The following BRD2 variants were observed in gnomAD, a reference collection of about 807,000 sequenced individuals.
BRD2 encodes bromodomain containing 2, also known as bromodomain-containing protein 2.
In BRD2, 15 loss-of-function variants were observed where a neutral mutation model predicts 79.1. The observed-to-expected ratio is 0.19, with a 90% CI of 0.13 to 0.29. The LOEUF is 0.29. Ranked by LOEUF, BRD2 falls within the 10% of genes least tolerant of loss-of-function variation. The pLI, the probability that BRD2 is intolerant of heterozygous loss-of-function variation, is 1.00. For synonymous variants in BRD2, 488 were observed against 358.6 expected, an observed-to-expected ratio of 1.36 and a Z score of -4.08; for missense variants, 1,053 against 991.3, an observed-to-expected ratio of 1.06 and a Z score of -0.84.
intron 2 of BRD2, among the ~76,000 whole-genome samples, chr6:32,974,119 C>A (rs1778397401): frequency 6.6e-6 from 1 of 152,174 alleles, no homozygotes; most frequent in African/African-American, 2.4e-5. Context: ...CTTAACTCCA[C>A]CCATTTTGCT....
rs980156717 is a variant in BRD2 at position 32,981,292 on chromosome 6, T to C, written c.*574T>C. ...GTCTTTGTTGATTCTAACTTGTAAATAAAGAAAATATTATTCAAGTTTTGA... is the reference window on the plus strand; with the variant it reads ...GTCTTTGTTGATTCTAACTTGTAAACAAAGAAAATATTATTCAAGTTTTGA... On this transcript the variant is annotated 3_prime_UTR_variant, in exon 13 of 13. Coordinates refer to ENST00000374825, the MANE Select transcript of BRD2 (RefSeq NM_005104.4). The C allele has an allele frequency of 2.0e-5, 3 of 152,220 alleles. No individual in the cohort carries two copies. The highest frequency in any genetic ancestry group is 7.2e-5 in the African/African-American group (3 of 41,422). 9.4% of individuals were successfully genotyped at this position (152,220 alleles called of 1,614,324 possible). A position where few individuals can be genotyped will look rare whatever the true frequency, so the allele number is the denominator to read the frequency against.
chr6:32,972,377 G>C lies in BRD2; in HGVS notation c.-522G>C, dbSNP rs2127501434. The C allele has an allele frequency of 3.3e-6, 1 of 302,092 alleles. No individual in the cohort carries two copies. The highest frequency in any genetic ancestry group is 3.2e-5 in the South Asian group (1 of 31,614). 18.7% of individuals were successfully genotyped at this position (302,092 alleles called of 1,614,324 possible). On this transcript the variant is annotated 5_prime_UTR_variant, in exon 2 of 13. Coordinates refer to ENST00000374825, the MANE Select transcript of BRD2 (RefSeq NM_005104.4). ...CAGTACAGACCCCCTAGAAGCCCCT[G>C]GAGCTCCCCTTTTTCGGGCCCCGCC...
In BRD2 at chr6:32,976,552, C is replaced by G. The variant is rs745565457; in HGVS notation, c.826-10C>G. On this transcript the variant is annotated splice_polypyrimidine_tract_variant and intron_variant, in intron 6 of 12. Coordinates refer to ENST00000374825, the MANE Select transcript of BRD2 (RefSeq NM_005104.4). ...GAGTGACAGGTTCCCTATCTTGTTTCTTTCTGCAGAAAAAAGGCGTAAAGC... is the reference window on the plus strand; with the variant it reads ...GAGTGACAGGTTCCCTATCTTGTTTGTTTCTGCAGAAAAAAGGCGTAAAGC... 10 of 1,591,040 alleles carry G rather than the reference C, an allele frequency of 6.3e-6. No homozygotes were observed. The highest frequency in any genetic ancestry group is 5.4e-5 in the African/African-American group (4 of 74,532).
At position 32,981,245 on chromosome 6, in the gene BRD2, T is replaced by TCC. The variant is rs1340604043; in HGVS notation, c.*530_*531dup. On this transcript the variant is annotated 3_prime_UTR_variant, in exon 13 of 13. Coordinates refer to ENST00000374825, the MANE Select transcript of BRD2 (RefSeq NM_005104.4). ...TGGGGCCCTGGGGGTTTCAGTCATC[T>TCC]CCCCATTTGGTCCCCTGGACTGTCT... 1 of 153,760 alleles carries TCC rather than the reference T, an allele frequency of 6.5e-6. No homozygotes were observed. The allele number at this position is 153,760 out of a possible 1,614,324, so 9.5% of individuals were successfully genotyped here.
At chr6:32,970,132 C>G (rs1777812655) in intron 1 of BRD2, 1 of 152,310 alleles carries the variant, frequency 6.6e-6, no homozygotes, top group South Asian at 2.1e-4. Flanking sequence ...TATTCCATGG[C>G]CGGCCCCCTG....
In BRD2 at chr6:32,972,537, T is replaced by C. The variant is rs1778151432; in HGVS notation, c.-362T>C. 2.7e-6 allele frequency: 1 copy of C among 364,508 alleles called. No individual in the cohort carries two copies. The highest frequency in any genetic ancestry group is 5.2e-5 in the East Asian group (1 of 19,248). 22.6% of individuals were successfully genotyped at this position (364,508 alleles called of 1,614,324 possible). A position where few individuals can be genotyped will look rare whatever the true frequency, so the allele number is the denominator to read the frequency against. On this transcript the variant is annotated 5_prime_UTR_variant, in exon 2 of 13. Coordinates refer to ENST00000374825, the MANE Select transcript of BRD2 (RefSeq NM_005104.4). ...TCGAAACGGGACCTCGTCGGCCCCG[T>C]AGGGGCCCGACAAGAAGAGGGAATC...
In BRD2 at chr6:32,972,826, C is replaced by T. The variant is rs1391754424; in HGVS notation, c.-73C>T. 1.9e-6 allele frequency: 3 copies of T among 1,609,532 alleles called. No individual in the cohort carries two copies. Among genetic ancestry groups the T allele is most frequent in the Admixed American group, 1.7e-5 (1 of 59,994 alleles). ...CCCCAACTTAGCGGGTTATGCTGGA[C>T]CGGGCGGTGAGGGGAACCGAGGCCA... On this transcript the variant is annotated 5_prime_UTR_variant, in exon 2 of 13. Coordinates refer to ENST00000374825, the MANE Select transcript of BRD2 (RefSeq NM_005104.4).
chr6:32,973,176 C>A (rs1297299230), intron 2 of BRD2: 4 of 1,537,338 alleles, frequency 2.6e-6, no homozygotes, highest in African/African-American at 2.7e-5. Flanking sequence ...CAGTCTTAAC[C>A]GAGTCAGGCA....
chr6:32,975,108 C>G, intron 3 of BRD2: 1 of 1,509,784 alleles, frequency 6.6e-7, no homozygotes, highest in Non-Finnish European at 8.8e-7. Flanking sequence ...TAGCCAGCCC[C>G]AGAGGTAATG....
chr6:32,979,660 T>A, intron 10 of BRD2, 168 bp from the exon 11 acceptor site: 1 of 710,998 alleles, frequency 1.4e-6, no homozygotes, highest in Non-Finnish European at 2.2e-6. Context: ...AGCAAAATGC[T>A]CTGTTTCACT....
At position 32,973,132 on chromosome 6, in the gene BRD2, T is replaced by G. The variant is rs747677219; in HGVS notation, c.29+205T>G. 2.6e-6 allele frequency: 4 copies of G among 1,550,546 alleles called. No individual in the cohort carries two copies. The Admixed American group carries it at 7.8e-5, about 30-fold the overall frequency. On this transcript the variant is annotated intron_variant, in intron 2 of 12. Coordinates refer to ENST00000374825, the MANE Select transcript of BRD2 (RefSeq NM_005104.4). ...ACTGCTCGTGGAGGGGAATACAGGT[T>G]GTCAATTTATACGCTATTAATGCCG...
intron 2 of BRD2, 87 bp from the exon 3 acceptor site, chr6:32,974,375 C>G (rs748490765): frequency 1.0e-4 from 142 of 1,382,104 alleles, no homozygotes; most frequent in Non-Finnish European, 9.9e-5. Flanking sequence ...TCACTAGGGC[C>G]AGCACCTGGA....
chr6:32,973,884 T>A (rs191666758), intron 2 of BRD2, among the ~76,000 whole-genome samples: 1 of 152,188 alleles, frequency 6.6e-6, no homozygotes, highest in East Asian at 1.9e-4. Context: ...TAAGTTGATA[T>A]GGTTCTTCCT....
chr6:32,973,737 T>C (rs547494030), intron 2 of BRD2, among the ~76,000 whole-genome samples: 10 of 152,146 alleles, frequency 6.6e-5, no homozygotes, highest in Non-Finnish European at 1.5e-4. Context: ...GGCTATCACT[T>C]GGTGACCTTG....
intron 2 of BRD2, 111 bp downstream of exon 2, chr6:32,973,038 C>G (rs17220479): frequency 6.2e-7 from 1 of 1,609,918 alleles, no homozygotes; most frequent in Non-Finnish European, 8.5e-7. Context: ...GCTGTTGCGG[C>G]GCAGCTGTCG....
chr6:32,976,825 G>A lies in BRD2; in HGVS notation c.1089G>A (p.Lys363=), dbSNP rs1381204557. ...CNGILKELLS[K]KHAAYAWPFY... is the part of the protein sequence containing the mutation. ...GCATTTTGAAGGAGTTACTCTCTAA[G>A]AAGCATGCTGCCTATGCTTGGCCTT... Residue 363 remains lysine, a synonymous_variant, in exon 7 of 13, where the codon AAG becomes AAA. Transcript: ENST00000374825. 17 of 1,613,064 alleles carry A rather than the reference G, an allele frequency of 1.1e-5. No individual in the cohort carries two copies. Among genetic ancestry groups the A allele is most frequent in the Non-Finnish European group, 1.4e-5 (16 of 1,180,056 alleles).
intron 3 of BRD2, chr6:32,975,086 G>T (rs1452419486): frequency 6.6e-7 from 1 of 1,512,254 alleles, no homozygotes; most frequent in East Asian, 2.6e-5. Context: ...TTTCCCTCAT[G>T]CAGCCCATGG....
Position 32,976,367 on chromosome 6 carries a change from C to T in BRD2, c.728C>T (p.Pro243Leu). 1 of 1,613,098 alleles carries T rather than the reference C, an allele frequency of 6.2e-7. No homozygotes were observed. The highest frequency in any genetic ancestry group is 8.5e-7 in the Non-Finnish European group (1 of 1,180,048). Residue 243 changes from proline to leucine, a missense_variant, in exon 6 of 13, where the codon CCA becomes CTA. Around this residue, in one of 5 missense-constraint regions of BRD2, gnomAD observed 413 missense variants for 335.1 expected, o/e 1.23. Coordinates refer to ENST00000374825, the MANE Select transcript of BRD2 (RefSeq NM_005104.4). ...IPTTVLNIPH[P>L]SVISSPLLKS... Reference sequence around the variant, plus strand: ...ACCACTGTCCTCAACATTCCCCACCCATCAGTCATTTCCTCTCCACTTCTC... The same window carrying T: ...ACCACTGTCCTCAACATTCCCCACCTATCAGTCATTTCCTCTCCACTTCTC...
rs765160798 is a variant in BRD2, at chr6:32,975,502, A to C, written c.452A>C (p.Asn151Thr). ...CAAGATTTTAATACCATGTTCACCA[A>C]CTGTTACATTTACAACAAGGTGAGT... Reference protein sequence around the residue: ...CMQDFNTMFTNCYIYNKPTDD... With the variant: ...CMQDFNTMFTTCYIYNKPTDD... The change falls in exon 4 of 13, where the codon AAC becomes ACC. Residue 151 changes from asparagine (N) to threonine (T), a missense_variant. By Grantham distance (65) the Asn-to-Thr change is moderately conservative (BLOSUM62 0). Around this residue, in one of 5 missense-constraint regions of BRD2, gnomAD observed 413 missense variants for 335.1 expected, o/e 1.23. Transcript: ENST00000374825. 1 of 1,612,238 alleles carries C rather than the reference A, an allele frequency of 6.2e-7. No individual in the cohort carries two copies. Among genetic ancestry groups the C allele is most frequent in the Non-Finnish European group, 8.5e-7 (1 of 1,179,712 alleles).
Sources: allele counts gnomAD v4.1 joint callset (sites outside exome capture counted in the v4.1 genomes callset), GRCh38; gene constraint gnomAD v4.1.1; regional missense constraint gnomAD v4.1.1; transcripts MANE v1.5; gene names NCBI Gene and HGNC (gene_info 2026-07-23, HGNC 2026-07-21).